CASS4: variants seen among roughly 807,000 people sequenced by gnomAD.
CASS4 encodes the protein Cas scaffold protein family member 4, also known as cas scaffolding protein family member 4.
CASS4 carries 22 observed loss-of-function variants against 54.2 expected under a neutral mutation model. The ratio of observed to expected loss-of-function variants is 0.41; its 90% confidence interval spans 0.29 to 0.58. The LOEUF is 0.58. CASS4 is among the 20% of genes least tolerant of loss of function. The pLI is 0.36. For missense variants in CASS4, 854 were observed against 986.7 expected (o/e 0.87, Z 1.80); for synonymous variants, 409 against 391.5 (o/e 1.04, Z -0.53).
At chr20:56,415,131 T>C (rs909926770) in intron 1 of CASS4, among the ~76,000 whole-genome samples, 1 of 152,204 alleles carries the variant, frequency 6.6e-6, no homozygotes, top group African/African-American at 2.4e-5. Flanking sequence ...CTCTCCCTTG[T>C]ACCAGGGGTT....
At chr20:56,438,047 T>C (rs1555805373) in intron 2 of CASS4, among the ~76,000 whole-genome samples, 1 of 152,098 alleles carries the variant, frequency 6.6e-6, no homozygotes, top group Non-Finnish European at 1.5e-5. Flanking sequence ...CCCAGTACTC[T>C]GGGGGGACGA....
rs776239270 is a variant in CASS4 at position 56,437,460 on chromosome 20, C to T, written c.333C>T (p.Pro111=). 108 of 1,613,612 alleles carry T rather than the reference C, an allele frequency of 6.7e-5. No homozygotes were observed. The highest frequency in any genetic ancestry group is 8.6e-5 in the Non-Finnish European group (102 of 1,179,868). The change falls in exon 2 of 6, where the codon CCC becomes CCT. Residue 111 remains proline (P), a synonymous_variant. Transcript: ENST00000679887. The surrounding 1 kb of genome is among the most constrained non-coding windows in gnomAD (Gnocchi z 4.7). ...TACCCCGCCCTCCCACTCCAGGCCC[C>T]GTTTATGAGCAGATGAGGAGTTGGG... ...PTLPRPPTPG[P]VYEQMRSWAE... is the part of the protein sequence containing the mutation.
intron 1 of CASS4, among the ~76,000 whole-genome samples, chr20:56,419,061 A>G (rs946298242): frequency 2.6e-5 from 4 of 152,174 alleles, no homozygotes; most frequent in South Asian, 2.1e-4. Context: ...AGGTCTGAGA[A>G]TAGACAGGCA....
At chr20:56,419,001 T>TG (rs892638951) in intron 1 of CASS4, among the ~76,000 whole-genome samples, 134 of 152,130 alleles carry the variant, frequency 8.8e-4, no homozygotes, top group African/African-American at 3.0e-3. Flanking sequence ...AGAGCACACT[T>TG]GGGGGGAAAA....
chr20:56,458,461 G>T lies in CASS4; in HGVS notation c.2075G>T (p.Gly692Val). 1 of 1,614,132 alleles carries T rather than the reference G, an allele frequency of 6.2e-7. No homozygotes were observed. Among genetic ancestry groups the T allele is most frequent in the Non-Finnish European group, 8.5e-7 (1 of 1,180,036 alleles). The stretch of plus-strand genomic sequence containing the variant: ...TTCAAAGCCATCAGCGCATTTCACG[G>T]CAGCCTCAGCAGCAGCCAGCCCGCG... ...ALFKAISAFH[G>V]SLSSSQPAEI... The change falls in exon 6 of 6, where the codon GGC (glycine) becomes GTC (valine). Residue 692 changes from glycine (G) to valine (V), a missense_variant. Transcript: ENST00000679887.
chr20:56,451,126 T>C (rs1261725909), intron 4 of CASS4, among the ~76,000 whole-genome samples: 1 of 152,220 alleles, frequency 6.6e-6, no homozygotes, highest in Non-Finnish European at 1.5e-5. Flanking sequence ...AAACCTCTCA[T>C]TGCACTTGTG....
At position 56,412,733 on chromosome 20, in the gene CASS4, G is replaced by A. The variant is rs1254360724; in HGVS notation, c.36+239G>A. Among the ~76,000 whole-genome samples, 1 of 152,182 alleles carries A rather than the reference G, an allele frequency of 6.6e-6. No individual in the cohort carries two copies. The highest frequency in any genetic ancestry group is 1.9e-4 in the East Asian group (1 of 5,194). On this transcript the variant is annotated intron_variant, in intron 1 of 5. Coordinates refer to ENST00000679887, the MANE Select transcript of CASS4 (RefSeq NM_020356.4). The surrounding 1 kb of genome is among the most constrained non-coding windows in gnomAD (Gnocchi z 4.2). ...CTTTGTAGTAGAAATCAGCTTACTT[G>A]GTTGACAGCGCCGTCCATCATTTTG...
chr20:56,435,256 CA>C (rs1197718185), intron 1 of CASS4, among the ~76,000 whole-genome samples: 1 of 152,122 alleles, frequency 6.6e-6, no homozygotes, highest in Non-Finnish European at 1.5e-5. Flanking sequence ...AGGCAAGAAG[CA>C]CAATAATTTT....
chr20:56,430,606 G>A lies in CASS4; in HGVS notation c.37-6558G>A, dbSNP rs1483175309. Among the ~76,000 whole-genome samples the A allele has an allele frequency of 1.3e-5, 2 of 152,140 alleles. No individual in the cohort carries two copies. Among genetic ancestry groups the A allele is most frequent in the South Asian group, 2.1e-4 (1 of 4,824 alleles). On this transcript the variant is annotated intron_variant, in intron 1 of 5. Coordinates refer to ENST00000679887, the MANE Select transcript of CASS4 (RefSeq NM_020356.4). This position sits in a 1 kb window ranked among gnomAD's most constrained non-coding sequence, Gnocchi z 4.2. ...ACTGCTTCCATCTGTTATTCACAAAGAGCTCAGTGCAGCGCCAGGAACATG... is the reference window on the plus strand; with the variant it reads ...ACTGCTTCCATCTGTTATTCACAAAAAGCTCAGTGCAGCGCCAGGAACATG...
At chr20:56,454,979 CA>C (rs1403032908) in intron 5 of CASS4, among the ~76,000 whole-genome samples, 178 of 152,256 alleles carry the variant, frequency 1.2e-3, no homozygotes, top group Non-Finnish European at 1.7e-3. Context: ...AGGGGCTCTG[CA>C]AGGTTGTTGT....
intron 1 of CASS4, among the ~76,000 whole-genome samples, chr20:56,422,567 G>A (rs1390015209): frequency 6.6e-6 from 1 of 152,158 alleles, no homozygotes; most frequent in Non-Finnish European, 1.5e-5. Context: ...TATCAGGGAA[G>A]CAAATGTTTC....
At chr20:56,456,905 C>G (rs750897129) in intron 5 of CASS4, among the ~76,000 whole-genome samples, 3 of 151,868 alleles carry the variant, frequency 2.0e-5, no homozygotes, top group Non-Finnish European at 2.9e-5. Flanking sequence ...AGGCTAGTCT[C>G]AAACTCCTAG....
At chr20:56,443,956 C>T (rs1330232547) in intron 2 of CASS4, among the ~76,000 whole-genome samples, 1 of 152,118 alleles carries the variant, frequency 6.6e-6, no homozygotes, top group Non-Finnish European at 1.5e-5. Flanking sequence ...TTTCAGGGAA[C>T]CAAGTTTCTC....
At chr20:56,428,123 G>A (rs1047230917) in intron 1 of CASS4, among the ~76,000 whole-genome samples, 5 of 152,186 alleles carry the variant, frequency 3.3e-5, no homozygotes, top group African/African-American at 1.2e-4. Flanking sequence ...GATATTCTAG[G>A]TTACTTGGAT....
At chr20:56,439,201 C>T (rs993997072) in intron 2 of CASS4, among the ~76,000 whole-genome samples, 2 of 151,986 alleles carry the variant, frequency 1.3e-5, no homozygotes, top group African/African-American at 4.8e-5. Flanking sequence ...CTGGGTCTCG[C>T]TCTGTCTCCC....
rs546793038 is a variant in CASS4 at position 56,429,283 on chromosome 20, C to A, written c.37-7881C>A. 3.9e-4 allele frequency among the ~76,000 whole-genome samples: 59 copies of A among 152,108 alleles called. 1 individual carries two copies. The South Asian group carries it at 7.0e-3, about 18-fold the overall frequency. On this transcript the variant is annotated intron_variant, in intron 1 of 5. Coordinates refer to ENST00000679887, the MANE Select transcript of CASS4 (RefSeq NM_020356.4). ...ACTTTCCCTGGCCCATTCAGCAGTGCGTCCCTCCCTTCTCTGCAGTTATGC... is the reference window on the plus strand; with the variant it reads ...ACTTTCCCTGGCCCATTCAGCAGTGAGTCCCTCCCTTCTCTGCAGTTATGC...
chr20:56,436,374 G>GTATATATATA (rs60742243), intron 1 of CASS4, among the ~76,000 whole-genome samples: 2 of 135,562 alleles, frequency 1.5e-5, no homozygotes, highest in African/African-American at 5.5e-5. Flanking sequence ...ATATATATAT[G>GTATATATATA]TATATATATA....
intron 1 of CASS4, among the ~76,000 whole-genome samples, chr20:56,424,928 G>C (rs1487296834): frequency 1.3e-5 from 2 of 152,116 alleles, no homozygotes; most frequent in Non-Finnish European, 2.9e-5. Flanking sequence ...CTCAACTGCA[G>C]ACCTCACAGC....
At chr20:56,444,972 T>G (rs574711954) in intron 2 of CASS4, among the ~76,000 whole-genome samples, 1 of 152,270 alleles carries the variant, frequency 6.6e-6, no homozygotes, top group East Asian at 1.9e-4. Flanking sequence ...TAGCCTGGCA[T>G]GGAGGCATGT....
Sources: allele counts gnomAD v4.1 joint callset (sites outside exome capture counted in the v4.1 genomes callset), GRCh38; gene constraint gnomAD v4.1.1; non-coding constraint Gnocchi (gnomAD v3.1); transcripts MANE v1.5; gene names NCBI Gene and HGNC (gene_info 2026-07-23, HGNC 2026-07-21).